The following DNAAF2 variants were observed in gnomAD, a reference collection of about 807,000 sequenced individuals.
DNAAF2 encodes the protein dynein axonemal assembly factor 2, also known as protein kintoun.
In DNAAF2, 58 loss-of-function variants were observed where a neutral mutation model predicts 48.8. That is an observed-to-expected ratio of 1.19 (90% CI 0.96 to 1.48). The LOEUF (loss-of-function observed/expected upper bound fraction) is 1.48. Ranked by LOEUF, DNAAF2 falls within the 40% of genes most tolerant of loss-of-function variation. The pLI, the probability that DNAAF2 is intolerant of heterozygous loss-of-function variation, is 0.00. For missense variants in DNAAF2, 1,241 were observed against 1,116.1 expected, an observed-to-expected ratio of 1.11 and a Z score of -1.59; for synonymous variants, 567 against 481.2, an observed-to-expected ratio of 1.18 and a Z score of -2.33.
Position 49,625,904 on chromosome 14 carries a change from G to A in DNAAF2, c.2152C>T (p.Gln718Ter). ...SDSSIAVKAL[Q>*]IDSFGLVTCF... ...GTAACTAAACCAAAGCTATCTATTT[G>A]TAGTGCTTTAACTGCTATAGATGAA... The change falls in exon 3 of 3, where the codon CAA becomes TAA. Residue 718 changes from glutamine (Q) to a stop codon, truncating the protein, a stop_gained. Transcript: ENST00000298292. LOFTEE classifies it low-confidence loss of function (END_TRUNC). 6.2e-7 allele frequency: 1 copy of A among 1,613,560 alleles called. No homozygotes were observed. Among genetic ancestry groups the A allele is most frequent in the South Asian group, 1.1e-5 (1 of 91,042 alleles).
chr14:49,634,443 G>A lies in DNAAF2; in HGVS notation c.707C>T (p.Pro236Leu), dbSNP rs74050429. Reference sequence around the variant, plus strand: ...CGCTTCCGGAGGGGAGGGCGCCCGGGGCCCGGGGGCTGCCGGGTACTGGTA... The same window carrying A: ...CGCTTCCGGAGGGGAGGGCGCCCGGAGCCCGGGGGCTGCCGGGTACTGGTA... The part of the protein sequence containing the change: ...YPYQYPAAPG[P>L]RAPSPPEAAL... The change falls in exon 1 of 3, where the codon CCC (proline) becomes CTC (leucine). Residue 236 changes from proline to leucine, a missense_variant. By Grantham distance (98) the Pro-to-Leu change is moderately conservative (BLOSUM62 -3). Coordinates refer to ENST00000298292, the MANE Select transcript of DNAAF2 (RefSeq NM_018139.3). The A allele has an allele frequency of 2.7e-3, 4,168 of 1,559,432 alleles. 78 individuals carry two copies. The African/African-American group carries it at 0.047, about 17-fold the overall frequency.
rs756451865 is a variant in DNAAF2 at position 49,633,336 on chromosome 14, T to C, written c.1814A>G (p.His605Arg). The part of the protein sequence containing the change: ...VIELAKSPES[H>R]GHWREWYYGV... ...ATAATACCACTCTCTCCAATGTCCA[T>C]GGCTCTCTGGAGATTTTGCCAGTTC... is the stretch of plus-strand genomic sequence containing the variant. The change falls in exon 1 of 3, where the codon CAT becomes CGT. Residue 605 changes from histidine (H) to arginine (R), a missense_variant. His to Arg is a conservative substitution (Grantham distance 29). Coordinates refer to ENST00000298292, the MANE Select transcript of DNAAF2 (RefSeq NM_018139.3). The C allele has an allele frequency of 6.2e-7, 1 of 1,614,060 alleles. No individual in the cohort carries two copies. The highest frequency in any genetic ancestry group is 1.1e-5 in the South Asian group (1 of 91,090).
chr14:49,629,937 A>T (rs1048338796), intron 1 of DNAAF2: 2 of 152,128 alleles, frequency 1.3e-5, no homozygotes, highest in South Asian at 4.1e-4. Context: ...AAAGTAAATT[A>T]TGAAAAAAAT....
At position 49,633,576 on chromosome 14, in the gene DNAAF2, A is replaced by C. The variant is rs750991792; in HGVS notation, c.1574T>G (p.Leu525Ter). 9.3e-6 allele frequency: 15 copies of C among 1,613,878 alleles called. No individual in the cohort carries two copies. Among genetic ancestry groups the C allele is most frequent in the Non-Finnish European group, 1.3e-5 (15 of 1,179,890 alleles). Residue 525 changes from leucine to a stop codon, truncating the protein, a stop_gained, in exon 1 of 3, where the codon TTA (leucine) becomes TGA (stop). Transcript: ENST00000298292. LOFTEE classifies it high-confidence loss of function. ...GGTTTCTTTGTCCTGATTACACAGT[A>C]ACGGAGGACACAAAGGCTCCCCGCT... ...TKSGEPLCPP[L>*]LCNQDKETLT...
chr14:49,628,435 TTTTC>T (rs1433639864), intron 1 of DNAAF2, among the ~76,000 whole-genome samples: 2 of 152,088 alleles, frequency 1.3e-5, no homozygotes, highest in Admixed American at 6.6e-5. Context: ...CTTTTAGTAT[TTTTC>T]TTTCTTTTTT....
At chr14:49,631,769 TTTAG>T (rs1305577189) in intron 1 of DNAAF2, among the ~76,000 whole-genome samples, 2 of 152,222 alleles carry the variant, frequency 1.3e-5, no homozygotes, top group Non-Finnish European at 1.5e-5. Context: ...AATACATATA[TTTAG>T]TATTTATTTG....
intron 1 of DNAAF2, among the ~76,000 whole-genome samples, chr14:49,630,669 C>CCCCACACACACACACA (rs370101720): frequency 7.5e-6 from 1 of 132,486 alleles, no homozygotes; most frequent in African/African-American, 2.8e-5. Context: ...AACTCTCTCT[C>CCCCACACACACACACA]CACACACACA....
rs764229415 is a variant in DNAAF2 at position 49,628,002 on chromosome 14, A to G, written c.2007+10T>C. 4 of 1,558,318 alleles carry G rather than the reference A, an allele frequency of 2.6e-6. No individual in the cohort carries two copies. Among genetic ancestry groups the G allele is most frequent in the Middle Eastern group, 1.7e-4 (1 of 5,804 alleles). On this transcript the variant is annotated intron_variant, in intron 2 of 2. Coordinates refer to ENST00000298292, the MANE Select transcript of DNAAF2 (RefSeq NM_018139.3). ...CATTACTCCTCTATAGAGCCCATCAACTTCCTTACCTTTGCATTAATTTGA... is the reference window on the plus strand; with the variant it reads ...CATTACTCCTCTATAGAGCCCATCAGCTTCCTTACCTTTGCATTAATTTGA...
chr14:49,631,332 CAGA>C (rs1468911614), intron 1 of DNAAF2, among the ~76,000 whole-genome samples: 1 of 152,130 alleles, frequency 6.6e-6, no homozygotes, highest in African/African-American at 2.4e-5. Flanking sequence ...GATTAAAATA[CAGA>C]AGATTTGCAG....
Position 49,633,921 on chromosome 14 carries a change from G to A in DNAAF2, c.1229C>T (p.Ser410Phe), listed in dbSNP as rs1883244126. Residue 410 changes from serine (S) to phenylalanine (F), a missense_variant, in exon 1 of 3, where the codon TCC (serine) becomes TTC (phenylalanine). Transcript: ENST00000298292. ...CGGGTCGCCCAGGGTGGTGACCCCG[G>A]AGCCCGCAGCCCCAGCCACGCAGGT... Reference protein sequence around the residue: ...HDTCVAGAAGSGVTTLGDPEV... With the variant: ...HDTCVAGAAGFGVTTLGDPEV... 4 of 1,532,282 alleles carry A rather than the reference G, an allele frequency of 2.6e-6. No individual in the cohort carries two copies. Among genetic ancestry groups the A allele is most frequent in the Non-Finnish European group, 3.5e-6 (4 of 1,145,432 alleles). 94.9% of individuals were successfully genotyped at this position (1,532,282 alleles called of 1,614,324 possible). A position where few individuals can be genotyped will look rare whatever the true frequency, so the allele number is the denominator to read the frequency against.
At chr14:49,631,615 T>C (rs558263509) in intron 1 of DNAAF2, among the ~76,000 whole-genome samples, 1 of 152,112 alleles carries the variant, frequency 6.6e-6, no homozygotes, top group African/African-American at 2.4e-5. Context: ...GGTGCAAGAC[T>C]CCATCTCAAA....
Position 49,633,808 on chromosome 14 carries a change from G to C in DNAAF2, c.1342C>G (p.Pro448Ala). 1 of 1,588,638 alleles carries C rather than the reference G, an allele frequency of 6.3e-7. No individual in the cohort carries two copies. The highest frequency in any genetic ancestry group is 2.3e-5 in the East Asian group (1 of 44,390). Residue 448 changes from proline to alanine, a missense_variant, in exon 1 of 3, where the codon CCG (proline) becomes GCG (alanine). Coordinates refer to ENST00000298292, the MANE Select transcript of DNAAF2 (RefSeq NM_018139.3). ...QDLSRHAGSPPGSVEEPSPGG... is the reference protein window; with the variant it reads ...QDLSRHAGSPAGSVEEPSPGG... ...GGAGATGGCTCCTCCACGCTGCCCG[G>C]CGGTGACCCCGCGTGCCTGCTCAAG... is the stretch of plus-strand genomic sequence containing the variant.
chr14:49,630,707 T>TA, intron 1 of DNAAF2, among the ~76,000 whole-genome samples: 1 of 59,988 alleles, frequency 1.7e-5, no homozygotes, highest in East Asian at 2.3e-4. Context: ...ACACATAAAC[T>TA]CTCTACACAC....
At chr14:49,630,896 G>A (rs902596597) in intron 1 of DNAAF2, among the ~76,000 whole-genome samples, 1 of 151,814 alleles carries the variant, frequency 6.6e-6, no homozygotes, top group Non-Finnish European at 1.5e-5. Context: ...GACTGCAGGC[G>A]TGCACCACCA....
intron 1 of DNAAF2, among the ~76,000 whole-genome samples, chr14:49,632,347 C>T (rs1189312106): frequency 6.6e-6 from 1 of 152,074 alleles, no homozygotes; most frequent in Non-Finnish European, 1.5e-5. Flanking sequence ...ATACCCAACT[C>T]AAAAATTACA....
At chr14:49,628,957 G>GT (rs1189199946) in intron 1 of DNAAF2, among the ~76,000 whole-genome samples, 2 of 151,698 alleles carry the variant, frequency 1.3e-5, no homozygotes, top group Admixed American at 6.6e-5. Context: ...TAAGTGGTGT[G>GT]TTTTTTTGTT....
chr14:49,633,265 G>A (rs775223738), intron 1 of DNAAF2, 22 bp downstream of exon 1: 2 of 1,607,920 alleles, frequency 1.2e-6, no homozygotes, highest in Non-Finnish European at 1.7e-6. Flanking sequence ...TCAAATATGA[G>A]GACTCTGGAA....
intron 1 of DNAAF2, among the ~76,000 whole-genome samples, chr14:49,630,612 T>C (rs1883125689): frequency 6.7e-6 from 1 of 148,426 alleles, no homozygotes; most frequent in Non-Finnish European, 1.5e-5. Context: ...TCAGGGCAAC[T>C]TGAATATGTG....
Position 49,633,338 on chromosome 14 carries a change from G to A in DNAAF2, c.1812C>T (p.Ser604=). 1 of 1,614,018 alleles carries A rather than the reference G, an allele frequency of 6.2e-7. No individual in the cohort carries two copies. ...AVIELAKSPE[S]HGHWREWYYG... ...AATACCACTCTCTCCAATGTCCATGGCTCTCTGGAGATTTTGCCAGTTCTA... is the reference window on the plus strand; with the variant it reads ...AATACCACTCTCTCCAATGTCCATGACTCTCTGGAGATTTTGCCAGTTCTA... Residue 604 remains serine (S), a synonymous_variant, in exon 1 of 3, where the codon AGC becomes AGT. Transcript: ENST00000298292.
Sources: allele counts gnomAD v4.1 joint callset (sites outside exome capture counted in the v4.1 genomes callset), GRCh38; gene constraint gnomAD v4.1.1; transcripts MANE v1.5; gene names NCBI Gene and HGNC (gene_info 2026-07-23, HGNC 2026-07-21).